UGT8: variants seen among roughly 807,000 people sequenced by gnomAD.
The protein encoded by UGT8 is 2-hydroxyacylsphingosine 1-beta-galactosyltransferase.
Under a neutral mutation model 40.5 loss-of-function variants are expected in UGT8, and 12 were observed. That is an observed-to-expected ratio of 0.30 (90% CI 0.19 to 0.48). The LOEUF (loss-of-function observed/expected upper bound fraction) is 0.48. UGT8 is among the 20% of genes least tolerant of loss of function. The pLI is 0.99. For missense variants in UGT8, 513 were observed against 648.7 expected, an observed-to-expected ratio of 0.79 and a Z score of 2.27; for synonymous variants, 224 against 240.4, an observed-to-expected ratio of 0.93 and a Z score of 0.63.
intron 5 of UGT8, among the ~76,000 whole-genome samples, chr4:114,674,046 A>G (rs1194537711): frequency 6.6e-6 from 1 of 152,166 alleles, no homozygotes; most frequent in Non-Finnish European, 1.5e-5. Context: ...CCTTCTGTTC[A>G]CTGCCTCTCA....
intron 5 of UGT8, among the ~76,000 whole-genome samples, chr4:114,670,216 G>C (rs1215014370): frequency 6.6e-6 from 1 of 151,630 alleles, no homozygotes; most frequent in Admixed American, 6.6e-5. Flanking sequence ...TGGATCACAA[G>C]GTCAGGAGAT....
At chr4:114,633,741 C>T (rs1411941709) in intron 2 of UGT8, among the ~76,000 whole-genome samples, 3 of 152,094 alleles carry the variant, frequency 2.0e-5, no homozygotes, top group Non-Finnish European at 2.9e-5. Context: ...GTCAGGAGTT[C>T]GAGACCAGCC....
At chr4:114,613,385 GTAA>G (rs1731206330) in intron 1 of UGT8, among the ~76,000 whole-genome samples, 1 of 151,996 alleles carries the variant, frequency 6.6e-6, no homozygotes, top group African/African-American at 2.4e-5. Flanking sequence ...AATTAATTAA[GTAA>G]TAATGGGGAA....
chr4:114,623,533 T>C lies in UGT8; in HGVS notation c.653T>C (p.Ile218Thr). Residue 218 changes from isoleucine (I) to threonine (T), a missense_variant, in exon 2 of 6, where the codon ATA becomes ACA. Physicochemically the swap from Ile to Thr is moderately conservative, Grantham distance 89 (BLOSUM62 -1). Around this residue, in one of 3 missense-constraint regions of UGT8, gnomAD observed 335 missense variants for 444.8 expected, o/e 0.75. Coordinates refer to ENST00000310836, the MANE Select transcript of UGT8 (RefSeq NM_001128174.3). ...SFLVLPKYERIMQKYNLLPEK... is the reference protein window; with the variant it reads ...SFLVLPKYERTMQKYNLLPEK... Reference sequence around the variant, plus strand: ...CTGGTTCTTCCCAAATATGAAAGGATAATGCAGAAGTACAACCTGCTGCCA... The same window carrying C: ...CTGGTTCTTCCCAAATATGAAAGGACAATGCAGAAGTACAACCTGCTGCCA... The C allele has an allele frequency of 6.2e-7, 1 of 1,614,166 alleles. No homozygotes were observed. The highest frequency in any genetic ancestry group is 8.5e-7 in the Non-Finnish European group (1 of 1,180,014).
At chr4:114,600,515 T>A (rs187347830) in intron 1 of UGT8, among the ~76,000 whole-genome samples, 77 of 152,348 alleles carry the variant, frequency 5.1e-4, no homozygotes, top group Middle Eastern at 3.4e-3. Context: ...TTTTCTTTTT[T>A]AAAAACTTTT....
At chr4:114,645,995 C>T (rs1486757783) in intron 2 of UGT8, among the ~76,000 whole-genome samples, 1 of 152,162 alleles carries the variant, frequency 6.6e-6, no homozygotes, top group East Asian at 1.9e-4. Flanking sequence ...TAGATAACTG[C>T]ACAGAGACGG....
intron 1 of UGT8, among the ~76,000 whole-genome samples, chr4:114,621,961 T>A (rs1458884518): frequency 2.0e-5 from 3 of 152,136 alleles, no homozygotes; most frequent in Non-Finnish European, 4.4e-5. Flanking sequence ...ATTCTTTTTT[T>A]TTATTATTAT....
chr4:114,605,229 G>T (rs1252933173), intron 1 of UGT8, among the ~76,000 whole-genome samples: 1 of 152,046 alleles, frequency 6.6e-6, no homozygotes, highest in African/African-American at 2.4e-5. Flanking sequence ...CGTATTCTCT[G>T]GATGGACATT....
chr4:114,600,718 C>T (rs1424463156), intron 1 of UGT8, among the ~76,000 whole-genome samples: 1 of 151,896 alleles, frequency 6.6e-6, no homozygotes, highest in African/African-American at 2.4e-5. Context: ...AGTCATGCAT[C>T]TTAATATTAT....
intron 2 of UGT8, among the ~76,000 whole-genome samples, chr4:114,640,950 G>GTGAATCTT (rs1478830747): frequency 6.6e-6 from 1 of 152,004 alleles, no homozygotes. Context: ...TCACCAAAAG[G>GTGAATCTT]ACAGGCTAGT....
rs549206375 is a variant in UGT8, at chr4:114,662,983, AT to A, written c.823-999del. On this transcript the variant is annotated intron_variant, in intron 2 of 5. Coordinates refer to ENST00000310836, the MANE Select transcript of UGT8 (RefSeq NM_001128174.3). ...AGGTGCCCGCCACCATGCCCAGCTAATTTTTTTTTTTTTGTATTTTTAGCAG... is the reference window on the plus strand; with the variant it reads ...AGGTGCCCGCCACCATGCCCAGCTAATTTTTTTTTTTTGTATTTTTAGCAG... Among the ~76,000 whole-genome samples the A allele has an allele frequency of 8.6e-3, 1,230 of 143,742 alleles. 15 individuals carry two copies. Among genetic ancestry groups the A allele is most frequent in the African/African-American group, 0.025 (998 of 39,470 alleles). The allele number at this position is 143,742 out of a possible 152,430, so 94.3% of individuals were successfully genotyped here.
chr4:114,617,404 G>A (rs1338058635), intron 1 of UGT8, among the ~76,000 whole-genome samples: 1 of 152,202 alleles, frequency 6.6e-6, no homozygotes, highest in Non-Finnish European at 1.5e-5. Flanking sequence ...CCTGTGGTGA[G>A]TGGTAGACAC....
chr4:114,623,803 A>AC, intron 2 of UGT8, 101 bp downstream of exon 2: 1 of 1,397,224 alleles, frequency 7.2e-7, no homozygotes, highest in South Asian at 1.6e-5. Flanking sequence ...TTGTATATAT[A>AC]CAGTACACTA....
At chr4:114,661,107 A>G (rs1012329491) in intron 2 of UGT8, among the ~76,000 whole-genome samples, 2 of 151,936 alleles carry the variant, frequency 1.3e-5, no homozygotes, top group Non-Finnish European at 2.9e-5. Context: ...TATATTTGGT[A>G]TATTTCTGTT....
chr4:114,631,112 C>T (rs940707438), intron 2 of UGT8, among the ~76,000 whole-genome samples: 1 of 152,154 alleles, frequency 6.6e-6, no homozygotes, highest in Non-Finnish European at 1.5e-5. Flanking sequence ...CGGCAACCAA[C>T]CCCAATATTT....
At chr4:114,629,797 C>A (rs1022934520) in intron 2 of UGT8, among the ~76,000 whole-genome samples, 1 of 152,082 alleles carries the variant, frequency 6.6e-6, no homozygotes, top group Admixed American at 6.5e-5. Flanking sequence ...AATATATGAA[C>A]GGAATCAAAC....
chr4:114,669,381 C>CATATATATATAT (rs5861189), intron 5 of UGT8, among the ~76,000 whole-genome samples: 12 of 150,446 alleles, frequency 8.0e-5, no homozygotes, highest in African/African-American at 2.5e-4. Context: ...ATTTCATATA[C>CATATATATATAT]ATATATATAT....
Position 114,615,858 on chromosome 4 carries a change from G to A in UGT8, c.-2-7021G>A, listed in dbSNP as rs895079991. On this transcript the variant is annotated intron_variant, in intron 1 of 5. Coordinates refer to ENST00000310836, the MANE Select transcript of UGT8 (RefSeq NM_001128174.3). ...CGTCTTTTTGGCTATATGCCAAACT[G>A]AAGTACTCCAGACCCTTTTTGCCTG... 1.9e-4 allele frequency among the ~76,000 whole-genome samples: 29 copies of A among 152,042 alleles called. 1 individual carries two copies. The highest frequency in any genetic ancestry group is 7.0e-4 in the African/African-American group (29 of 41,330).
chr4:114,635,757 G>A (rs543837202), intron 2 of UGT8, among the ~76,000 whole-genome samples: 17 of 152,134 alleles, frequency 1.1e-4, no homozygotes, highest in Non-Finnish European at 5.9e-5. Context: ...CTTCAAATGA[G>A]GCTTGTTTAC....
Sources: gnomAD v4.1 joint callset for allele counts (sites outside exome capture counted in the v4.1 genomes callset) on GRCh38, gnomAD v4.1.1 for gene constraint, gnomAD v4.1.1 regional missense constraint, MANE v1.5 for transcripts, NCBI Gene and HGNC (gene_info 2026-07-23, HGNC 2026-07-21) for gene names.